The following ATRN variants were observed in gnomAD, a reference collection of about 807,000 sequenced individuals.
ATRN encodes attractin-2.
ATRN carries 54 observed loss-of-function variants against 178.7 expected under a neutral mutation model. That is an observed-to-expected ratio of 0.30 (90% CI 0.24 to 0.38). The LOEUF is 0.38. ATRN is among the 10% of genes least tolerant of loss of function. The pLI, the probability that ATRN is intolerant of heterozygous loss-of-function variation, is 1.00. For missense variants in ATRN, 1,443 were observed against 1,815.1 expected (o/e 0.79, Z 3.73); for synonymous variants, 636 against 663.0 (o/e 0.96, Z 0.63).
At chr20:3,604,751 G>A (rs1024489365) in intron 24 of ATRN, among the ~76,000 whole-genome samples, 1 of 152,182 alleles carries the variant, frequency 6.6e-6, no homozygotes, top group African/African-American at 2.4e-5. Flanking sequence ...GACAGAGGTG[G>A]ATTGATTCCT....
chr20:3,599,252 T>C (rs1426122457), intron 22 of ATRN, among the ~76,000 whole-genome samples: 1 of 152,202 alleles, frequency 6.6e-6, no homozygotes, highest in Non-Finnish European at 1.5e-5. Flanking sequence ...AAGTACCATA[T>C]ATGAAATGTA....
At chr20:3,559,249 G>C (rs1426189898) in intron 6 of ATRN, 144 bp from the exon 7 acceptor site, 3 of 655,180 alleles carry the variant, frequency 4.6e-6, no homozygotes. Flanking sequence ...CAGGTGTCAG[G>C]TTTATTTGTG....
chr20:3,498,050 A>G (rs2084905819), intron 1 of ATRN, among the ~76,000 whole-genome samples: 1 of 152,210 alleles, frequency 6.6e-6, no homozygotes, highest in Non-Finnish European at 1.5e-5. Context: ...AATACTACAA[A>G]CACCTCTACG....
chr20:3,501,521 A>C (rs780928454), intron 1 of ATRN, among the ~76,000 whole-genome samples: 2 of 152,172 alleles, frequency 1.3e-5, no homozygotes, highest in Non-Finnish European at 2.9e-5. Flanking sequence ...GCTACTAGGG[A>C]GATTTTCATT....
At chr20:3,599,658 G>A (rs1241285344) in intron 22 of ATRN, among the ~76,000 whole-genome samples, 4 of 152,182 alleles carry the variant, frequency 2.6e-5, no homozygotes, top group South Asian at 2.1e-4. Flanking sequence ...TACAGAGGGT[G>A]GACTTTTCAT....
intron 12 of ATRN, among the ~76,000 whole-genome samples, chr20:3,575,353 A>G (rs1445765076): frequency 1.3e-5 from 2 of 152,204 alleles, no homozygotes; most frequent in Non-Finnish European, 2.9e-5. Flanking sequence ...ATTTACACGC[A>G]TGTACAAAAT....
Position 3,646,797 on chromosome 20 carries a change from G to A in ATRN, c.4240G>A (p.Val1414Met), listed in dbSNP as rs771603225. The A allele has an allele frequency of 4.7e-5, 75 of 1,611,902 alleles. No homozygotes were observed. The highest frequency in any genetic ancestry group is 6.7e-5 in the Admixed American group (4 of 59,772). ...AGTGTACAAGGAGAAGTCAGGAGCC[G>A]TGAGAAACCGGAAGCAGCAGCCCCC... ...PIVYKEKSGA[V>M]RNRKQQPPAQ... Residue 1414 changes from valine (V) to methionine (M), a missense_variant, in exon 29 of 29, where the codon GTG becomes ATG. Val to Met is a conservative substitution (Grantham distance 21, BLOSUM62 1). Around this residue, in one of 4 missense-constraint regions of ATRN, gnomAD observed 289 missense variants for 440.8 expected, o/e 0.66. Coordinates refer to ENST00000262919, the MANE Select transcript of ATRN (RefSeq NM_139321.3).
rs1456273021 is a variant in ATRN at position 3,547,043 on chromosome 20, A to C, written c.738-241A>C. On this transcript the variant is annotated intron_variant, in intron 4 of 28. Coordinates refer to ENST00000262919, the MANE Select transcript of ATRN (RefSeq NM_139321.3). ...TTTAATTTCTTTGACTTTATGAGTTATTTATTCTTATCCTCTTATTATGAG... is the reference window on the plus strand; with the variant it reads ...TTTAATTTCTTTGACTTTATGAGTTCTTTATTCTTATCCTCTTATTATGAG... Among the ~76,000 whole-genome samples the C allele has an allele frequency of 3.9e-5, 6 of 152,282 alleles. No homozygotes were observed. The East Asian group carries it at 9.7e-4, about 25-fold the overall frequency.
At chr20:3,604,793 G>A (rs2086657058) in intron 24 of ATRN, among the ~76,000 whole-genome samples, 1 of 152,186 alleles carries the variant, frequency 6.6e-6, no homozygotes, top group East Asian at 1.9e-4. Context: ...GCCTTTCCAA[G>A]TCTCCAGTTC....
At chr20:3,562,155 TA>T in intron 8 of ATRN, 120 bp from the exon 9 acceptor site, 1 of 810,160 alleles carries the variant, frequency 1.2e-6, no homozygotes, top group Non-Finnish European at 1.9e-6. Context: ...AATATAAAGA[TA>T]AAAAAGTATA....
intron 1 of ATRN, among the ~76,000 whole-genome samples, chr20:3,488,597 A>T (rs2084732152): frequency 6.6e-6 from 1 of 152,192 alleles, no homozygotes. Context: ...GTCTATCCTT[A>T]TGCCAGTAAT....
At chr20:3,495,561 G>A (rs144856741) in intron 1 of ATRN, among the ~76,000 whole-genome samples, 47 of 152,160 alleles carry the variant, frequency 3.1e-4, no homozygotes, top group African/African-American at 1.1e-3. Context: ...GCAGGTTAGC[G>A]ATTTGGTCAT....
chr20:3,520,843 G>C (rs1417214415), intron 1 of ATRN, among the ~76,000 whole-genome samples: 1 of 152,056 alleles, frequency 6.6e-6, no homozygotes, highest in Admixed American at 6.5e-5. Context: ...AAAGAAAAGA[G>C]AGCAATGTAA....
Position 3,583,816 on chromosome 20 carries a change from AAAG to A in ATRN, c.2765-79_2765-77del, listed in dbSNP as rs1000399424. ...AGTGAGACTCCGTCTCAAAAAAAAAAAAGAAAAGAAAGAAAGAAAAGTCTTTGA... is the reference window on the plus strand; with the variant it reads ...AGTGAGACTCCGTCTCAAAAAAAAAAAAAAGAAAGAAAGAAAAGTCTTTGA... On this transcript the variant is annotated intron_variant, in intron 16 of 28. Coordinates refer to ENST00000262919, the MANE Select transcript of ATRN (RefSeq NM_139321.3). 9.9e-6 allele frequency: 14 copies of A among 1,410,406 alleles called. No homozygotes were observed. In the African/African-American group the frequency reaches 1.2e-4, roughly 12 times the overall value. The allele number at this position is 1,410,406 out of a possible 1,614,324, so 87.4% of individuals were successfully genotyped here. A position where few individuals can be genotyped will look rare whatever the true frequency, so the allele number is the denominator to read the frequency against.
At position 3,560,811 on chromosome 20, in the gene ATRN, T is replaced by G. The variant is rs141080835; in HGVS notation, c.1353T>G (p.Ile451Met). ...CAGTGGTTGGGCACTCTGCACACAT[T>G]GTTACACTGAAGAATGGCCGAGTGG... The part of the protein sequence containing the change: ...QYAVVGHSAH[I>M]VTLKNGRVVM... The change falls in exon 8 of 29, where the codon ATT becomes ATG. Residue 451 changes from isoleucine to methionine, a missense_variant. Physicochemically the swap from Ile to Met is conservative, Grantham distance 10. Coordinates refer to ENST00000262919, the MANE Select transcript of ATRN (RefSeq NM_139321.3). 2.4e-4 allele frequency: 389 copies of G among 1,614,180 alleles called. 1 individual carries two copies. The African/African-American group carries it at 4.5e-3, about 18-fold the overall frequency.
chr20:3,500,575 C>G (rs2084947056), intron 1 of ATRN, among the ~76,000 whole-genome samples: 1 of 151,066 alleles, frequency 6.6e-6, no homozygotes, highest in African/African-American at 2.4e-5. Context: ...TCTCAGTAAA[C>G]TATCGCAAGA....
At chr20:3,539,755 G>A (rs993691567) in intron 2 of ATRN, among the ~76,000 whole-genome samples, 7 of 149,822 alleles carry the variant, frequency 4.7e-5, no homozygotes, top group African/African-American at 1.7e-4. Flanking sequence ...TCCCTCCACC[G>A]CCCCCTCCCA....
At position 3,603,289 on chromosome 20, in the gene ATRN, A is replaced by G. The variant is rs1348490383; in HGVS notation, c.3644-816A>G. On this transcript the variant is annotated intron_variant, in intron 23 of 28. Transcript: ENST00000262919. ...TGAGCGGTACATCAGCATTACTGGC[A>G]TGGGAGTCTGGCGCATTGCCAAGGA... Among the ~76,000 whole-genome samples, 5 of 152,128 alleles carry G rather than the reference A, an allele frequency of 3.3e-5. No homozygotes were observed. In the South Asian group the frequency reaches 8.3e-4, roughly 25 times the overall value.
chr20:3,603,026 G>C (rs1189523196), intron 23 of ATRN, among the ~76,000 whole-genome samples: 1 of 143,616 alleles, frequency 7.0e-6, no homozygotes, highest in Non-Finnish European at 1.5e-5. Context: ...ATGAAGACGT[G>C]ATAATGTGGG....
Sources: gnomAD v4.1 joint callset for allele counts (sites outside exome capture counted in the v4.1 genomes callset) on GRCh38, gnomAD v4.1.1 for gene constraint, gnomAD v4.1.1 regional missense constraint, MANE v1.5 for transcripts, NCBI Gene and HGNC (gene_info 2026-07-23, HGNC 2026-07-21) for gene names.